Variants in MAMDC4 observed in about 807,000 individuals in gnomAD.
MAMDC4 encodes MAM domain containing 4.
A neutral mutation model predicts 153.3 loss-of-function variants in MAMDC4; 168 were observed. That is an observed-to-expected ratio of 1.10 (90% CI 0.97 to 1.25). The LOEUF is 1.25. Among genes scored for constraint, MAMDC4 ranks in the 50% most tolerant of loss-of-function variants. MAMDC4 has a pLI of 0.00. For synonymous variants in MAMDC4, 744 were observed against 651.5 expected, an observed-to-expected ratio of 1.14 and a Z score of -2.16; for missense variants, 1,701 against 1,542.8, an observed-to-expected ratio of 1.10 and a Z score of -1.72.
rs943126662 is a variant in MAMDC4, at chr9:136,857,897, C to A, written c.2465-82C>A. On this transcript the variant is annotated intron_variant, in intron 19 of 26. Coordinates refer to ENST00000317446, the MANE Select transcript of MAMDC4 (RefSeq NM_206920.3). ...GCCACTGGGGAGCCTCTTGCGCCCG[C>A]CAGGCTGGGAGCCTGGGAGCTCAGA... The A allele has an allele frequency of 6.7e-6, 10 of 1,487,076 alleles. No individual in the cohort carries two copies. In the Admixed American group the frequency reaches 2.4e-4, roughly 36 times the overall value. 92.1% of individuals were successfully genotyped at this position (1,487,076 alleles called of 1,614,324 possible).
rs776448825 is a variant in MAMDC4, at chr9:136,855,124, A to G, written c.1197+14A>G. On this transcript the variant is annotated intron_variant, in intron 10 of 26. Coordinates refer to ENST00000317446, the MANE Select transcript of MAMDC4 (RefSeq NM_206920.3). ...TACCCCTTCCAGGTAGGGAACAGCA[A>G]GAGGGTGGGGTCTGGGGAGCCGCAC... is the stretch of plus-strand genomic sequence containing the variant. 1.9e-6 allele frequency: 3 copies of G among 1,567,494 alleles called. 1 individual carries two copies. Among genetic ancestry groups the G allele is most frequent in the South Asian group, 2.3e-5 (2 of 87,194 alleles).
Position 136,853,701 on chromosome 9 carries a change from G to C in MAMDC4, c.454+31G>C. ...CCCTGGACCCCCAAGGCTCGTGGGG[G>C]GTGCCCAAGGGGAGGGCGGGTGGGC... On this transcript the variant is annotated intron_variant, in intron 4 of 26. Coordinates refer to ENST00000317446, the MANE Select transcript of MAMDC4 (RefSeq NM_206920.3). 1.2e-6 allele frequency: 2 copies of C among 1,606,308 alleles called. 1 individual carries two copies.
In MAMDC4 at chr9:136,860,777, C is replaced by A; in HGVS notation, c.*174C>A. ...ACTCTGTTGCTCTGTGAATAAACAC[C>A]CTGGCCCATGAGGGCAGCCCAAGCT... is the stretch of plus-strand genomic sequence containing the variant. On this transcript the variant is annotated 3_prime_UTR_variant, in exon 27 of 27. Transcript: ENST00000317446. 1 of 658,862 alleles carries A rather than the reference C, an allele frequency of 1.5e-6. No individual in the cohort carries two copies. Among genetic ancestry groups the A allele is most frequent in the Non-Finnish European group, 2.6e-6 (1 of 391,252 alleles). The allele number at this position is 658,862 out of a possible 1,614,324, so 40.8% of individuals were successfully genotyped here.
rs1282947358 is a variant in MAMDC4 at position 136,860,793 on chromosome 9, A to G, written c.*190A>G. On this transcript the variant is annotated 3_prime_UTR_variant, in exon 27 of 27. Coordinates refer to ENST00000317446, the MANE Select transcript of MAMDC4 (RefSeq NM_206920.3). ...AATAAACACCCTGGCCCATGAGGGC[A>G]GCCCAAGCTCCCAGGGTGAAGTCAG... 1.7e-6 allele frequency: 1 copy of G among 602,336 alleles called. No individual in the cohort carries two copies. The highest frequency in any genetic ancestry group is 2.9e-6 in the Non-Finnish European group (1 of 344,796). 37.3% of individuals were successfully genotyped at this position (602,336 alleles called of 1,614,324 possible).
Position 136,853,537 on chromosome 9 carries a change from T to C in MAMDC4, c.329-8T>C. 5.6e-6 allele frequency: 9 copies of C among 1,612,620 alleles called. No individual in the cohort carries two copies. Among genetic ancestry groups the C allele is most frequent in the African/African-American group, 1.3e-5 (1 of 75,058 alleles). On this transcript the variant is annotated splice_region_variant and splice_polypyrimidine_tract_variant and intron_variant, in intron 3 of 26. Transcript: ENST00000317446. ...CTGCCCCGTCTCCTGACCTCTCACC[T>C]GCGCCAGGCTGGTACATGGCCGTTG...
At chr9:136,855,372 C>A (rs375329855) in intron 11 of MAMDC4, 34 bp downstream of exon 11, 1 of 1,599,676 alleles carries the variant, frequency 6.3e-7, no homozygotes, top group South Asian at 1.1e-5. Context: ...CCCTGCCTTG[C>A]CCTGGAGAGG....
In MAMDC4 at chr9:136,855,098, C is replaced by G. The variant is rs1192870455; in HGVS notation, c.1185C>G (p.Ala395=). 1.9e-6 allele frequency: 3 copies of G among 1,578,064 alleles called. No homozygotes were observed. Among genetic ancestry groups the G allele is most frequent in the Non-Finnish European group, 2.6e-6 (3 of 1,162,436 alleles). The part of the protein sequence containing the change: ...WVRDRVDIQS[A]YPFQILLAGQ... ...GAGACCGTGTTGACATCCAGAGCGC[C>G]TACCCCTTCCAGGTAGGGAACAGCA... Residue 395 remains alanine, a synonymous_variant, in exon 10 of 27, where the codon GCC becomes GCG. Transcript: ENST00000317446.
In MAMDC4 at chr9:136,860,576, C is replaced by A; in HGVS notation, c.3387C>A (p.Leu1129=). 6.2e-7 allele frequency: 1 copy of A among 1,612,988 alleles called. No homozygotes were observed. Among genetic ancestry groups the A allele is most frequent in the South Asian group, 1.1e-5 (1 of 91,072 alleles). ...CCTCCTCCTAGGATGGTGTCACCCT[C>A]CCGGCATCTGTCACCAGTGATCCGT... ...NILFNADGVT[L]PASVTSDP Residue 1129 remains leucine (L), a synonymous_variant, in exon 27 of 27, where the codon CTC becomes CTA. Coordinates refer to ENST00000317446, the MANE Select transcript of MAMDC4 (RefSeq NM_206920.3).
At chr9:136,859,825 C>G (rs1307345504) in intron 25 of MAMDC4, 61 bp from the exon 26 acceptor site, 1 of 1,577,578 alleles carries the variant, frequency 6.3e-7, no homozygotes, top group Non-Finnish European at 8.6e-7. Context: ...CCCCAGGCTT[C>G]CTCCTTAGCC....
In MAMDC4 at chr9:136,855,515, C is replaced by T; in HGVS notation, c.1367C>T (p.Ser456Phe). Residue 456 changes from serine to phenylalanine, a missense_variant, in exon 12 of 27, where the codon TCC becomes TTC. Physicochemically the swap from Ser to Phe is radical, Grantham distance 155. Transcript: ENST00000317446. ...CCGCCCAGCTCGCGGCTCCAGGATT[C>T]CTGCAAGCAGGGGCATCTTGCCTGC... ...PLPPSSRLQDSCKQGHLACGD... is the reference protein window; with the variant it reads ...PLPPSSRLQDFCKQGHLACGD... The T allele has an allele frequency of 6.3e-7, 1 of 1,594,600 alleles. No homozygotes were observed. Among genetic ancestry groups the T allele is most frequent in the Non-Finnish European group, 8.5e-7 (1 of 1,170,924 alleles).
chr9:136,855,851 GAGGCCCA>G lies in MAMDC4; in HGVS notation c.1588+15_1588+21del, dbSNP rs376597344. The G allele has an allele frequency of 3.8e-4, 570 of 1,501,882 alleles. 2 individuals carry two copies. Among genetic ancestry groups the G allele is most frequent in the Middle Eastern group, 1.2e-3 (5 of 4,340 alleles). 93.0% of individuals were successfully genotyped at this position (1,501,882 alleles called of 1,614,324 possible). On this transcript the variant is annotated splice_donor_5th_base_variant and intron_variant, in intron 13 of 26. Transcript: ENST00000317446. The stretch of plus-strand genomic sequence containing the variant: ...GGGGTCCAGTGCAGCTGCTGCTGGT[GAGGCCCA>G]AGGCCCAAGGCTCAAGCCCCCGCCC...
At chr9:136,852,691 A>T (rs1221490707) in intron 1 of MAMDC4, among the ~76,000 whole-genome samples, 2 of 152,140 alleles carry the variant, frequency 1.3e-5, no homozygotes, top group Admixed American at 1.3e-4. Flanking sequence ...CCAGTCTGGG[A>T]CAAGAGGGCT....
Position 136,854,083 on chromosome 9 carries a change from C to G in MAMDC4, c.670+7C>G. 1 of 1,612,580 alleles carries G rather than the reference C, an allele frequency of 6.2e-7. No homozygotes were observed. The highest frequency in any genetic ancestry group is 8.5e-7 in the Non-Finnish European group (1 of 1,179,792). ...TGGGACTGTGGTCTGCCCAGTAAGG[C>G]ACCGCCTCTTCCTGTTCCACCCCCG... On this transcript the variant is annotated splice_region_variant and intron_variant, in intron 6 of 26. Transcript: ENST00000317446.
chr9:136,854,285 G>A lies in MAMDC4; in HGVS notation c.745G>A (p.Asp249Asn), dbSNP rs748692827. Residue 249 changes from aspartate to asparagine, a missense_variant, in exon 7 of 27, where the codon GAC becomes AAC. Physicochemically the swap from Asp to Asn is conservative, Grantham distance 23. Coordinates refer to ENST00000317446, the MANE Select transcript of MAMDC4 (RefSeq NM_206920.3). ...KVCVEPQQLCDGEDNCGDLSD... is the reference protein window; with the variant it reads ...KVCVEPQQLCNGEDNCGDLSD... ...CTGCGTGGAGCCCCAGCAGCTGTGC[G>A]ACGGGGAAGACAACTGCGGGGACCT... 1.9e-5 allele frequency: 30 copies of A among 1,605,966 alleles called. No individual in the cohort carries two copies. The highest frequency in any genetic ancestry group is 1.7e-4 in the Middle Eastern group (1 of 6,058).
In MAMDC4 at chr9:136,859,055, G is replaced by T; in HGVS notation, c.3007G>T (p.Val1003Leu). 1 of 1,556,614 alleles carries T rather than the reference G, an allele frequency of 6.4e-7. No individual in the cohort carries two copies. The highest frequency in any genetic ancestry group is 1.4e-5 in the African/African-American group (1 of 73,894). The change falls in exon 24 of 27, where the codon GTG becomes TTG. Residue 1003 changes from valine (V) to leucine (L), a missense_variant. Coordinates refer to ENST00000317446, the MANE Select transcript of MAMDC4 (RefSeq NM_206920.3). ...LLHSAQGQLAVWGAGGHRRHQ... is the reference protein window; with the variant it reads ...LLHSAQGQLALWGAGGHRRHQ... ...GCACAGTGCTCAGGGCCAGCTGGCT[G>T]TGTGGGGCGCAGGCGGGCATCGGCG...
At position 136,856,036 on chromosome 9, in the gene MAMDC4, A is replaced by G; in HGVS notation, c.1607A>G (p.Gln536Arg). 1 of 1,611,806 alleles carries G rather than the reference A, an allele frequency of 6.2e-7. No homozygotes were observed. The highest frequency in any genetic ancestry group is 8.5e-7 in the Non-Finnish European group (1 of 1,179,530). The change falls in exon 14 of 27, where the codon CAG (glutamine) becomes CGG (arginine). Residue 536 changes from glutamine (Q) to arginine (R), a missense_variant. Coordinates refer to ENST00000317446, the MANE Select transcript of MAMDC4 (RefSeq NM_206920.3). ...AAAAGHFLSL[Q>R]RAWGQLGAEA... ...CCCCTAGGGCACTTCCTGTCTCTGC[A>G]GCGGGCCTGGGGGCAGCTAGGCGCT...
intron 6 of MAMDC4, 40 bp downstream of exon 6, chr9:136,854,116 C>G: frequency 6.2e-7 from 1 of 1,609,574 alleles, no homozygotes. Context: ...CCGGGAGGGC[C>G]CCCACCTGCC....
In MAMDC4 at chr9:136,856,703, C is replaced by T; in HGVS notation, c.1721-7C>T. Reference sequence around the variant, plus strand: ...AGGTGTGTGACGCCACCTGGCCCCACCCCCAGAGGTCTCCTGTAACTTTGA... The same window carrying T: ...AGGTGTGTGACGCCACCTGGCCCCATCCCCAGAGGTCTCCTGTAACTTTGA... On this transcript the variant is annotated splice_region_variant and splice_polypyrimidine_tract_variant and intron_variant, in intron 14 of 26. Coordinates refer to ENST00000317446, the MANE Select transcript of MAMDC4 (RefSeq NM_206920.3). The T allele has an allele frequency of 6.2e-7, 1 of 1,612,156 alleles. No individual in the cohort carries two copies. The highest frequency in any genetic ancestry group is 2.2e-5 in the East Asian group (1 of 44,866).
Position 136,855,542 on chromosome 9 carries a change from G to A in MAMDC4, c.1394G>A (p.Gly465Glu). Residue 465 changes from glycine to glutamate, a missense_variant, in exon 12 of 27, where the codon GGG becomes GAG. By Grantham distance (98) the Gly-to-Glu change is moderately conservative. Transcript: ENST00000317446. Reference protein sequence around the residue: ...DSCKQGHLACGDLCVPPEQLC... With the variant: ...DSCKQGHLACEDLCVPPEQLC... Reference sequence around the variant, plus strand: ...TGCAAGCAGGGGCATCTTGCCTGCGGGGACCTGTGTGTGCCCCCGGAACAA... The same window carrying A: ...TGCAAGCAGGGGCATCTTGCCTGCGAGGACCTGTGTGTGCCCCCGGAACAA... 1 of 1,591,668 alleles carries A rather than the reference G, an allele frequency of 6.3e-7. No individual in the cohort carries two copies. Among genetic ancestry groups the A allele is most frequent in the Non-Finnish European group, 8.6e-7 (1 of 1,169,400 alleles).
Sources: gnomAD v4.1 joint callset for allele counts (sites outside exome capture counted in the v4.1 genomes callset) on GRCh38, gnomAD v4.1.1 for gene constraint, MANE v1.5 for transcripts, NCBI Gene and HGNC (gene_info 2026-07-23, HGNC 2026-07-21) for gene names.